CSMD1: variants seen among roughly 807,000 people sequenced by gnomAD.
CSMD1 encodes the protein CUB and Sushi multiple domains 1.
Under a neutral mutation model 417.5 loss-of-function variants are expected in CSMD1, and 213 were observed. The ratio of observed to expected loss-of-function variants is 0.51; its 90% CI spans 0.46 to 0.57. The LOEUF (loss-of-function observed/expected upper bound fraction) is 0.57. Among genes scored for constraint, CSMD1 ranks in the 20% least tolerant of loss-of-function variants. The probability of loss-of-function intolerance (pLI) is 0.00; values close to 1 mark genes in which losing one functional copy is unlikely to be tolerated. For synonymous variants in CSMD1, 2,862 were observed against 1,736.8 expected (o/e 1.65, Z -16.11); for missense variants, 6,923 against 4,529.7 (o/e 1.53, Z -15.17).
At chr8:4,005,671 C>G (rs1297775163) in intron 4 of CSMD1, among the ~76,000 whole-genome samples, 1 of 152,206 alleles carries the variant, frequency 6.6e-6, no homozygotes, top group East Asian at 1.9e-4. Context: ...TTGGTGCTTT[C>G]TTCCCACTTC....
chr8:3,881,101 T>C (rs1563172778), intron 5 of CSMD1, among the ~76,000 whole-genome samples: 1 of 152,150 alleles, frequency 6.6e-6, no homozygotes, highest in African/African-American at 2.4e-5. Context: ...ATCTGAAATA[T>C]TATTGACTGA....
At chr8:3,599,876 G>C (rs1801279127) in intron 8 of CSMD1, among the ~76,000 whole-genome samples, 2 of 152,188 alleles carry the variant, frequency 1.3e-5, no homozygotes, top group South Asian at 4.1e-4. Context: ...GTGTAATGGA[G>C]TGAGATGGTT....
intron 12 of CSMD1, among the ~76,000 whole-genome samples, chr8:3,438,530 T>C (rs760702782): frequency 4.3e-4 from 65 of 152,190 alleles, no homozygotes; most frequent in Non-Finnish European, 1.5e-4. Context: ...ACTTTTTTGG[T>C]CAGCACCACT....
intron 3 of CSMD1, among the ~76,000 whole-genome samples, chr8:4,253,995 C>G (rs1275206183): frequency 3.0e-5 from 4 of 134,138 alleles, no homozygotes; most frequent in Non-Finnish European, 4.6e-5. Context: ...CGGCTCACTG[C>G]AAGCTCTGCC....
chr8:3,731,524 G>T (rs1322588557), intron 6 of CSMD1, among the ~76,000 whole-genome samples: 2 of 152,142 alleles, frequency 1.3e-5, no homozygotes, highest in African/African-American at 2.4e-5. Flanking sequence ...GCTTGACCCA[G>T]TGCAGCCAGT....
At chr8:3,285,285 T>C (rs911281289) in intron 25 of CSMD1, among the ~76,000 whole-genome samples, 1 of 152,182 alleles carries the variant, frequency 6.6e-6, no homozygotes, top group African/African-American at 2.4e-5. Flanking sequence ...ATGGAATGTG[T>C]GGTGTATTTT....
intron 26 of CSMD1, among the ~76,000 whole-genome samples, chr8:3,273,679 G>C (rs567463125): frequency 9.2e-5 from 14 of 152,280 alleles, no homozygotes; most frequent in African/African-American, 2.6e-4. Flanking sequence ...ATGTGTCCAG[G>C]AATTTATCCA....
rs187895005 is a variant in CSMD1 at position 4,174,983 on chromosome 8, C to G, written c.416-142884G>C. Among the ~76,000 whole-genome samples, 125 of 151,366 alleles carry G rather than the reference C, an allele frequency of 8.3e-4. 1 individual carries two copies. Among genetic ancestry groups the G allele is most frequent in the African/African-American group, 2.7e-3 (113 of 41,160 alleles). The stretch of plus-strand genomic sequence containing the variant: ...TTAGTATTGATGGCTCTTTGAGATA[C>G]TTGCTGAATTGGAATCTCTTATCTC... On this transcript the variant is annotated intron_variant, in intron 3 of 69. Transcript: ENST00000635120.
chr8:3,676,114 T>C (rs553040805), intron 7 of CSMD1, among the ~76,000 whole-genome samples: 1 of 152,366 alleles, frequency 6.6e-6, no homozygotes, highest in Admixed American at 6.5e-5. Context: ...TTATAAATGC[T>C]TGTTATAAGA....
At chr8:4,020,846 G>C (rs1167448451) in intron 4 of CSMD1, among the ~76,000 whole-genome samples, 1 of 152,114 alleles carries the variant, frequency 6.6e-6, no homozygotes, top group African/African-American at 2.4e-5. Flanking sequence ...CTTATCTTTT[G>C]CCTAAACTAA....
chr8:4,360,339 T>C (rs569252818), intron 3 of CSMD1, among the ~76,000 whole-genome samples: 3 of 152,324 alleles, frequency 2.0e-5, no homozygotes, highest in East Asian at 1.9e-4. Context: ...CCTCCTCTTA[T>C]CTGTTGCATG....
intron 1 of CSMD1, among the ~76,000 whole-genome samples, chr8:4,836,519 T>G (rs866129992): frequency 6.6e-6 from 1 of 152,180 alleles, no homozygotes; most frequent in African/African-American, 2.4e-5. Context: ...CATATGCTAA[T>G]TGTAATAAAT....
chr8:4,445,021 A>C (rs1798699419), intron 2 of CSMD1, among the ~76,000 whole-genome samples: 1 of 152,214 alleles, frequency 6.6e-6, no homozygotes, highest in Non-Finnish European at 1.5e-5. Flanking sequence ...TTAAAATGAA[A>C]ACCTATACCC....
chr8:3,449,378 C>G (rs1260883054), intron 12 of CSMD1, among the ~76,000 whole-genome samples: 1 of 152,128 alleles, frequency 6.6e-6, no homozygotes, highest in Admixed American at 6.6e-5. Flanking sequence ...GACAATGTCT[C>G]ATGGGTTGGC....
At chr8:3,259,078 T>C (rs569127761) in intron 26 of CSMD1, among the ~76,000 whole-genome samples, 1 of 152,202 alleles carries the variant, frequency 6.6e-6, no homozygotes, top group Non-Finnish European at 1.5e-5. Context: ...CTGCTACTTA[T>C]ATATAAAGCA....
chr8:3,050,903 G>C (rs184235939), intron 50 of CSMD1, among the ~76,000 whole-genome samples: 147 of 152,272 alleles, frequency 9.7e-4, no homozygotes, highest in Non-Finnish European at 1.7e-3. Flanking sequence ...CCTTCTGCTA[G>C]TATCACTGGC....
At chr8:4,047,863 C>A (rs146197236) in intron 3 of CSMD1, among the ~76,000 whole-genome samples, 1 of 151,928 alleles carries the variant, frequency 6.6e-6, no homozygotes, top group African/African-American at 2.4e-5. Context: ...AGGATCAGAT[C>A]TAATAATAAT....
At chr8:3,710,943 G>C (rs569997332) in intron 6 of CSMD1, among the ~76,000 whole-genome samples, 1 of 152,148 alleles carries the variant, frequency 6.6e-6, no homozygotes, top group African/African-American at 2.4e-5. Context: ...GGAAGGAGGA[G>C]GGTGAGATCC....
At chr8:4,861,501 G>A (rs1181920128) in intron 1 of CSMD1, among the ~76,000 whole-genome samples, 1 of 152,056 alleles carries the variant, frequency 6.6e-6, no homozygotes, top group East Asian at 1.9e-4. Context: ...ATGTGTCTGC[G>A]ATTTAGTGTC....
Sources: gnomAD v4.1 joint callset for allele counts (sites outside exome capture counted in the v4.1 genomes callset) on GRCh38, gnomAD v4.1.1 for gene constraint, MANE v1.5 for transcripts, NCBI Gene and HGNC (gene_info 2026-07-23, HGNC 2026-07-21) for gene names.